Variants in SOX5 observed in about 807,000 individuals in gnomAD.
The protein encoded by SOX5 is transcription factor SOX-5.
Under a neutral mutation model 92.0 loss-of-function variants are expected in SOX5, and 9 were observed. The observed-to-expected ratio is 0.10, with a 90% CI of 0.06 to 0.17. The LOEUF (loss-of-function observed/expected upper bound fraction) is 0.17, where lower values mean the gene tolerates loss of function less well. Among genes scored for constraint, SOX5 ranks in the 10% least tolerant of loss-of-function variants. The pLI, the probability that SOX5 is intolerant of heterozygous loss-of-function variation, is 1.00. For missense variants in SOX5, 642 were observed against 944.5 expected (o/e 0.68, Z 4.20); for synonymous variants, 344 against 336.3 (o/e 1.02, Z -0.25).
intron 4 of SOX5, among the ~76,000 whole-genome samples, chr12:24,112,237 A>G (rs917334581): frequency 6.6e-6 from 1 of 152,204 alleles, no homozygotes; most frequent in Non-Finnish European, 1.5e-5. Context: ...GGGTTTGGCA[A>G]ACTATAGCCC....
intron 1 of SOX5, among the ~76,000 whole-genome samples, chr12:24,485,575 A>G (rs1379435347): frequency 2.6e-5 from 4 of 152,180 alleles, no homozygotes; most frequent in Non-Finnish European, 5.9e-5. Context: ...AATGCTTACA[A>G]TAACAAGTAC....
chr12:24,044,298 T>C (rs981413563), intron 4 of SOX5, among the ~76,000 whole-genome samples: 3 of 150,948 alleles, frequency 2.0e-5, no homozygotes, highest in African/African-American at 7.3e-5. Context: ...TATAACACTG[T>C]TGCATTTAAT....
intron 10 of SOX5, 71 bp downstream of exon 10, chr12:23,575,590 G>T (rs1948991045): frequency 7.0e-7 from 1 of 1,428,390 alleles, no homozygotes; most frequent in Non-Finnish European, 9.9e-7. Context: ...GGTGTGATGT[G>T]CCATTTAAAG....
intron 4 of SOX5, among the ~76,000 whole-genome samples, chr12:24,028,844 CTA>C (rs1336105534): frequency 5.3e-5 from 8 of 151,944 alleles, no homozygotes; most frequent in Non-Finnish European, 8.8e-5. Flanking sequence ...TAGCAAACAT[CTA>C]TTTAATATTA....
chr12:23,948,022 G>T (rs557078657), intron 1 of SOX5, among the ~76,000 whole-genome samples: 1 of 152,042 alleles, frequency 6.6e-6, no homozygotes, highest in East Asian at 1.9e-4. Flanking sequence ...TGTTAAATTA[G>T]CAAATCGCTA....
At chr12:24,230,991 G>T (rs1184305691) in intron 3 of SOX5, among the ~76,000 whole-genome samples, 1 of 152,128 alleles carries the variant, frequency 6.6e-6, no homozygotes, top group African/African-American at 2.4e-5. Context: ...TCCTCATTTT[G>T]CATTCCCCGT....
chr12:23,928,638 A>G (rs1940643563), intron 1 of SOX5, among the ~76,000 whole-genome samples: 2 of 151,972 alleles, frequency 1.3e-5, no homozygotes, highest in Admixed American at 1.3e-4. Flanking sequence ...TTCATTATTC[A>G]TTCCATATAC....
intron 1 of SOX5, among the ~76,000 whole-genome samples, chr12:24,543,126 T>C (rs973795392): frequency 6.6e-6 from 1 of 152,216 alleles, no homozygotes; most frequent in Non-Finnish European, 1.5e-5. Context: ...TTTAAAAGAA[T>C]GAACAGTCCA....
In SOX5 at chr12:23,578,323, C is replaced by G. The variant is rs566564942; in HGVS notation, c.1165-2485G>C. Reference sequence around the variant, plus strand: ...GTGGCTCACAGACTAGCACCATAAGCACACCTGGGAACTTGTTAGAAAGGC... The same window carrying G: ...GTGGCTCACAGACTAGCACCATAAGGACACCTGGGAACTTGTTAGAAAGGC... On this transcript the variant is annotated intron_variant, in intron 9 of 14. Transcript: ENST00000451604. Among the ~76,000 whole-genome samples the G allele has an allele frequency of 3.3e-5, 5 of 149,686 alleles. No individual in the cohort carries two copies. In the East Asian group the frequency reaches 9.7e-4, roughly 29 times the overall value.
chr12:23,745,209 T>C (rs1184240848), intron 4 of SOX5, among the ~76,000 whole-genome samples: 2 of 152,186 alleles, frequency 1.3e-5, no homozygotes, highest in Non-Finnish European at 2.9e-5. Flanking sequence ...ACTGTTGTAC[T>C]GACTTAGAGA....
At chr12:24,072,230 A>AT (rs1199536028) in intron 4 of SOX5, among the ~76,000 whole-genome samples, 2 of 152,220 alleles carry the variant, frequency 1.3e-5, no homozygotes, top group Non-Finnish European at 1.5e-5. Context: ...AATATAGAGC[A>AT]AAGTTTCTTT....
intron 4 of SOX5, among the ~76,000 whole-genome samples, chr12:24,141,849 G>T (rs1282593537): frequency 3.3e-5 from 5 of 152,132 alleles, no homozygotes; most frequent in African/African-American, 1.2e-4. Context: ...AGGGGGTATG[G>T]AGAATGTAAA....
intron 3 of SOX5, among the ~76,000 whole-genome samples, chr12:24,224,896 T>C (rs1327480814): frequency 6.6e-6 from 1 of 152,222 alleles, no homozygotes; most frequent in Non-Finnish European, 1.5e-5. Context: ...CTGAATAAAT[T>C]CCTTCCATTC....
intron 4 of SOX5, among the ~76,000 whole-genome samples, chr12:24,148,688 T>TAAAAAAAAAAAAA (rs398018872): frequency 4.2e-5 from 3 of 70,948 alleles, no homozygotes; most frequent in African/African-American, 8.6e-5. Flanking sequence ...CCATCTCTAC[T>TAAAAAAAAAAAAA]AAAAAAAAAA....
At chr12:23,575,102 G>T (rs1948915237) in intron 10 of SOX5, among the ~76,000 whole-genome samples, 1 of 152,168 alleles carries the variant, frequency 6.6e-6, no homozygotes, top group Non-Finnish European at 1.5e-5. Context: ...CTTTTTCAAA[G>T]TCAGCTTATA....
chr12:23,649,662 A>G (rs1444194078), intron 7 of SOX5, among the ~76,000 whole-genome samples: 1 of 152,148 alleles, frequency 6.6e-6, no homozygotes, highest in East Asian at 1.9e-4. Context: ...TTGCTTTCAG[A>G]ATACAACATA....
At chr12:23,923,070 CG>C (rs1295435943) in intron 1 of SOX5, among the ~76,000 whole-genome samples, 1 of 151,844 alleles carries the variant, frequency 6.6e-6, no homozygotes, top group African/African-American at 2.4e-5. Context: ...CTCAGCCTCC[CG>C]AGTAGCTGGG....
chr12:23,654,822 A>G (rs1460458758), intron 7 of SOX5, among the ~76,000 whole-genome samples: 1 of 152,122 alleles, frequency 6.6e-6, no homozygotes, highest in East Asian at 1.9e-4. Flanking sequence ...TAAGTAATGA[A>G]TGGGAATATT....
chr12:24,261,993 G>A (rs189720028), intron 3 of SOX5, among the ~76,000 whole-genome samples: 3 of 152,226 alleles, frequency 2.0e-5, no homozygotes, highest in East Asian at 3.9e-4. Flanking sequence ...TGTTTATATC[G>A]TTGGCTACGG....
Sources: allele counts gnomAD v4.1 joint callset (sites outside exome capture counted in the v4.1 genomes callset), GRCh38; gene constraint gnomAD v4.1.1; transcripts MANE v1.5; gene names NCBI Gene and HGNC (gene_info 2026-07-23, HGNC 2026-07-21).